The following FAM72B variants were observed in gnomAD, a reference collection of about 807,000 sequenced individuals.
The protein encoded by FAM72B is protein FAM72B.
Under a neutral mutation model 12.6 loss-of-function variants are expected in FAM72B, and 4 were observed. The ratio of observed to expected loss-of-function variants is 0.32; its 90% CI spans 0.16 to 0.73. FAM72B has a LOEUF of 0.73. Among genes scored for constraint, FAM72B ranks in the 30% least tolerant of loss-of-function variants. The pLI is 0.67. For synonymous variants in FAM72B, 13 were observed against 53.9 expected (o/e 0.24, Z 3.32); for missense variants, 61 against 158.4 (o/e 0.39, Z 3.30).
chr1:121,177,548 C>CTATTAT (rs200543221), intron 2 of FAM72B, among the ~76,000 whole-genome samples: 11 of 103,806 alleles, frequency 1.1e-4, no homozygotes, highest in Middle Eastern at 4.9e-3. Flanking sequence ...CATTTCTTTG[C>CTATTAT]TATTATTATT....
chr1:121,169,615 G>A (rs1654047091), intron 3 of FAM72B, among the ~76,000 whole-genome samples: 1 of 152,100 alleles, frequency 6.6e-6, no homozygotes, highest in African/African-American at 2.4e-5. Flanking sequence ...GAAGTAGCTG[G>A]TGCCATTTTT....
In FAM72B at chr1:121,183,361, G is replaced by A; in HGVS notation, c.129C>T (p.Phe43=). ...VLLADTEIDL[F]STDIPPTNAV... ...ACTTGGTAGGAGGGATGTCTGTAGA[G>A]AAAAGGTCTATTTCAGTATCAGCCA... The change falls in exon 1 of 4, where the codon TTC becomes TTT. Residue 43 remains phenylalanine, a synonymous_variant. Transcript: ENST00000369390. 3 of 1,383,604 alleles carry A rather than the reference G, an allele frequency of 2.2e-6. No homozygotes were observed. Among genetic ancestry groups the A allele is most frequent in the Non-Finnish European group, 2.9e-6 (3 of 1,027,800 alleles). 85.7% of individuals were successfully genotyped at this position (1,383,604 alleles called of 1,614,324 possible). A position where few individuals can be genotyped will look rare whatever the true frequency, so the allele number is the denominator to read the frequency against.
chr1:121,172,666 G>T (rs1402223634), intron 3 of FAM72B, among the ~76,000 whole-genome samples: 54 of 143,020 alleles, frequency 3.8e-4, no homozygotes, highest in Non-Finnish European at 5.3e-4. Flanking sequence ...AGAAGGCTGA[G>T]GCAGGAGAAT....
chr1:121,170,202 C>T (rs1553316026), intron 3 of FAM72B, among the ~76,000 whole-genome samples: 1 of 147,928 alleles, frequency 6.8e-6, no homozygotes, highest in Non-Finnish European at 1.5e-5. Flanking sequence ...AACTCCTGAC[C>T]TCAGGTGATC....
At chr1:121,179,638 G>T (rs1406756119) in intron 2 of FAM72B, among the ~76,000 whole-genome samples, 4 of 151,760 alleles carry the variant, frequency 2.6e-5, no homozygotes, top group African/African-American at 9.7e-5. Flanking sequence ...GAGCAGCCTG[G>T]GCAACACGGT....
Position 121,168,441 on chromosome 1 carries a change from C to T in FAM72B, c.*300G>A. On this transcript the variant is annotated 3_prime_UTR_variant, in exon 4 of 4. Coordinates refer to ENST00000369390, the MANE Select transcript of FAM72B (RefSeq NM_001100910.2). ...CTGGTATCAAGTTGTAAGAAAAACT[C>T]CCCCAGATTGGGAGGTAACTGAGTG... is the stretch of plus-strand genomic sequence containing the variant. 2 of 204,070 alleles carry T rather than the reference C, an allele frequency of 9.8e-6. No individual in the cohort carries two copies. Among genetic ancestry groups the T allele is most frequent in the Non-Finnish European group, 9.8e-6 (1 of 102,322 alleles). The allele number at this position is 204,070 out of a possible 1,614,324, so 12.6% of individuals were successfully genotyped here. A position where few individuals can be genotyped will look rare whatever the true frequency, so the allele number is the denominator to read the frequency against.
intron 3 of FAM72B, among the ~76,000 whole-genome samples, chr1:121,169,939 G>C (rs1191040313): frequency 1.3e-5 from 2 of 152,006 alleles, no homozygotes; most frequent in African/African-American, 4.8e-5. Flanking sequence ...TGACCTCTAG[G>C]ATAGCCAATT....
At chr1:121,179,699 G>A (rs1163610287) in intron 2 of FAM72B, among the ~76,000 whole-genome samples, 9 of 147,366 alleles carry the variant, frequency 6.1e-5, no homozygotes, top group South Asian at 4.3e-4. Context: ...ATGGTGGTGC[G>A]TGCCTGTAGT....
At chr1:121,174,430 T>A (rs1411197823) in intron 3 of FAM72B, among the ~76,000 whole-genome samples, 2 of 140,664 alleles carry the variant, frequency 1.4e-5, no homozygotes, top group East Asian at 4.1e-4. Context: ...TGCAATGGCG[T>A]GATCTTGGCT....
rs184400980 is a variant in FAM72B at position 121,170,123 on chromosome 1, A to G, written c.356-1288T>C. Among the ~76,000 whole-genome samples, 80 of 152,146 alleles carry G rather than the reference A, an allele frequency of 5.3e-4. 1 individual carries two copies. In the South Asian group the frequency reaches 0.011, roughly 21 times the overall value. On this transcript the variant is annotated intron_variant, in intron 3 of 3. Coordinates refer to ENST00000369390, the MANE Select transcript of FAM72B (RefSeq NM_001100910.2). ...GTAGCTGGGACTACAGGCAAATGCC[A>G]CCATGCCTGGGTAATTTTTGTATTT...
chr1:121,174,675 C>CT (rs1299264327), intron 3 of FAM72B, among the ~76,000 whole-genome samples: 135 of 142,586 alleles, frequency 9.5e-4, no homozygotes, highest in South Asian at 7.2e-3. Context: ...CCTCTTATTC[C>CT]TTTTTTTTTT....
In FAM72B at chr1:121,168,790, C is replaced by G. The variant is rs1246183953; in HGVS notation, c.401G>C (p.Ser134Thr). ...GATATTTAACACATCTTCATCTGTA[C>G]TCTCTTCTATCTCTGGCAAGTTGCC... ...LWGNLPEIEESTDEDVLNISA... is the reference protein window; with the variant it reads ...LWGNLPEIEETTDEDVLNISA... The change falls in exon 4 of 4, where the codon AGT (serine) becomes ACT (threonine). Residue 134 changes from serine to threonine, a missense_variant. By Grantham distance (58) the Ser-to-Thr change is moderately conservative. Around this residue, in one of 2 missense-constraint regions of FAM72B, gnomAD observed 49 missense variants for 80.4 expected, o/e 0.61. Transcript: ENST00000369390. 6.2e-7 allele frequency: 1 copy of G among 1,606,940 alleles called. No individual in the cohort carries two copies. Among genetic ancestry groups the G allele is most frequent in the Admixed American group, 1.7e-5 (1 of 58,752 alleles).
intron 2 of FAM72B, among the ~76,000 whole-genome samples, chr1:121,177,798 C>G (rs1236259365): frequency 1.3e-5 from 2 of 148,926 alleles, no homozygotes; most frequent in African/African-American, 5.0e-5. Context: ...ATCCACCTGC[C>G]TTGGCCTCCC....
At chr1:121,182,138 G>T in intron 1 of FAM72B, among the ~76,000 whole-genome samples, 1 of 152,122 alleles carries the variant, frequency 6.6e-6, no homozygotes, top group Non-Finnish European at 1.5e-5. Flanking sequence ...GTAACAGTAG[G>T]TTCTATGATT....
chr1:121,168,828 G>A lies in FAM72B; in HGVS notation c.363C>T (p.Asn121=). Residue 121 remains asparagine, a synonymous_variant, in exon 4 of 4, where the codon AAC becomes AAT. Coordinates refer to ENST00000369390, the MANE Select transcript of FAM72B (RefSeq NM_001100910.2). ...DINRLDSTGV[N]ILLWGNLPEI... ...CTGGCAAGTTGCCCCAAAGTAGGATGTTTACACCTGAAAATAAAAAATCAT... is the reference window on the plus strand; with the variant it reads ...CTGGCAAGTTGCCCCAAAGTAGGATATTTACACCTGAAAATAAAAAATCAT... 1 of 1,607,042 alleles carries A rather than the reference G, an allele frequency of 6.2e-7. No individual in the cohort carries two copies. The highest frequency in any genetic ancestry group is 8.5e-7 in the Non-Finnish European group (1 of 1,178,510).
intron 3 of FAM72B, among the ~76,000 whole-genome samples, chr1:121,172,736 C>A (rs1335015026): frequency 8.4e-6 from 1 of 119,288 alleles, no homozygotes; most frequent in Non-Finnish European, 1.7e-5. Context: ...GCTCTCCAGC[C>A]TGGGTGACAG....
At chr1:121,182,236 T>G in intron 1 of FAM72B, among the ~76,000 whole-genome samples, 1 of 147,908 alleles carries the variant, frequency 6.8e-6, no homozygotes, top group East Asian at 2.0e-4. Context: ...TTAAAAAAAT[T>G]AAAAAGATTT....
chr1:121,177,505 A>ACTTTAAT (rs1654241619), intron 2 of FAM72B, among the ~76,000 whole-genome samples, 173 bp from the exon 3 acceptor site: 2 of 139,240 alleles, frequency 1.4e-5, no homozygotes, highest in South Asian at 4.9e-4. Context: ...GTGGGAAAGC[A>ACTTTAAT]GTCTTTAAGT....
At chr1:121,172,929 C>CA (rs1553316362) in intron 3 of FAM72B, among the ~76,000 whole-genome samples, 1 of 133,914 alleles carries the variant, frequency 7.5e-6, no homozygotes, top group Non-Finnish European at 1.6e-5. Flanking sequence ...ACTAAAAATA[C>CA]AAAAAAATTA....
Sources: gnomAD v4.1 joint callset for allele counts (sites outside exome capture counted in the v4.1 genomes callset) on GRCh38, gnomAD v4.1.1 for gene constraint, gnomAD v4.1.1 regional missense constraint, MANE v1.5 for transcripts, NCBI Gene and HGNC (gene_info 2026-07-23, HGNC 2026-07-21) for gene names.